GBP6: variants seen among roughly 807,000 people sequenced by gnomAD.
GBP6 encodes the protein guanylate binding protein family member 6, also known as guanylate-binding protein 6.
Under a neutral mutation model 61.5 loss-of-function variants are expected in GBP6, and 54 were observed. That is an observed-to-expected ratio of 0.88 (90% CI 0.71 to 1.10). The LOEUF (loss-of-function observed/expected upper bound fraction) is 1.10, where lower values mean the gene tolerates loss of function less well. GBP6 is among the 50% of genes least tolerant of loss of function. The probability of loss-of-function intolerance (pLI) is 0.00; values close to 1 mark genes in which losing one functional copy is unlikely to be tolerated. For missense variants in GBP6, 748 were observed against 752.8 expected, an observed-to-expected ratio of 0.99 and a Z score of 0.07; for synonymous variants, 255 against 273.7, an observed-to-expected ratio of 0.93 and a Z score of 0.67.
rs377600561 is a variant in GBP6 at position 89,375,178 on chromosome 1, G to A, written c.319-2925G>A. 2.2e-3 allele frequency among the ~76,000 whole-genome samples: 330 copies of A among 152,112 alleles called. 3 individuals are homozygous for A. Among genetic ancestry groups the A allele is most frequent in the African/African-American group, 7.6e-3 (317 of 41,478 alleles). ...TATGTATCCAGTCTATCATTGATGG[G>A]CATTTAGGTTGATTCCATGTCTTTG... On this transcript the variant is annotated intron_variant, in intron 3 of 10. Transcript: ENST00000370456.
chr1:89,369,592 G>T lies in GBP6; in HGVS notation c.237G>T (p.Trp79Cys). 6.2e-7 allele frequency: 1 copy of T among 1,614,106 alleles called. No homozygotes were observed. The highest frequency in any genetic ancestry group is 2.2e-5 in the East Asian group (1 of 44,880). ...STVQSETKGIWMWCVPHPSKP... is the reference protein window; with the variant it reads ...STVQSETKGICMWCVPHPSKP... ...TGCAGTCTGAAACCAAGGGCATCTG[G>T]ATGTGGTGCGTGCCCCACCCATCCA... The change falls in exon 3 of 11, where the codon TGG becomes TGT. Residue 79 changes from tryptophan to cysteine, a missense_variant. Coordinates refer to ENST00000370456, the MANE Select transcript of GBP6 (RefSeq NM_198460.3).
chr1:89,380,571 T>A lies in GBP6; in HGVS notation c.811T>A (p.Tyr271Asn). Residue 271 changes from tyrosine (Y) to asparagine (N), a missense_variant, in exon 6 of 11, where the codon TAC (tyrosine) becomes AAC (asparagine). Physicochemically the swap from Tyr to Asn is moderately radical, Grantham distance 143 (BLOSUM62 -2). Coordinates refer to ENST00000370456, the MANE Select transcript of GBP6 (RefSeq NM_198460.3). ...GGAACAAACAAACATTTTCTGTTCT[T>A]ACATCTTCACTCATGCAAGAACCAA... ...FQEQTNIFCS[Y>N]IFTHARTKTL... 6.2e-7 allele frequency: 1 copy of A among 1,614,104 alleles called. No homozygotes were observed. The highest frequency in any genetic ancestry group is 2.2e-5 in the East Asian group (1 of 44,874).
rs1312229622 is a variant in GBP6, at chr1:89,371,884, G to C, written c.318+2211G>C. Among the ~76,000 whole-genome samples, 3 of 152,196 alleles carry C rather than the reference G, an allele frequency of 2.0e-5. No homozygotes were observed. In the East Asian group the frequency reaches 5.8e-4, roughly 29 times the overall value. On this transcript the variant is annotated intron_variant, in intron 3 of 10. Coordinates refer to ENST00000370456, the MANE Select transcript of GBP6 (RefSeq NM_198460.3). ...AGAGGAAGTCAAATTGTCCCTGTTT[G>C]CAGATGACATGATTGTATATCTAGA...
chr1:89,376,516 C>T (rs75335684), intron 3 of GBP6, among the ~76,000 whole-genome samples: 14,888 of 152,192 alleles, frequency 0.098, 984 homozygotes, highest in Middle Eastern at 0.16. Context: ...AAAATGAGTT[C>T]GCTGTGGATG....
chr1:89,378,380 G>A (rs1417276434), intron 4 of GBP6, 37 bp from the exon 5 acceptor site: 3 of 1,586,294 alleles, frequency 1.9e-6, no homozygotes, highest in Non-Finnish European at 1.7e-6. Flanking sequence ...TGTGTGAATT[G>A]TGGGCAGACA....
At chr1:89,366,008 G>T (rs1234960745) in intron 1 of GBP6, among the ~76,000 whole-genome samples, 2 of 152,154 alleles carry the variant, frequency 1.3e-5, no homozygotes, top group Non-Finnish European at 2.9e-5. Context: ...ATAAAAATGT[G>T]CCAGGAGACC....
intron 3 of GBP6, among the ~76,000 whole-genome samples, chr1:89,375,446 T>C (rs548834704): frequency 8.9e-4 from 136 of 152,330 alleles, no homozygotes; most frequent in African/African-American, 3.2e-3. Flanking sequence ...GAAGACAGTA[T>C]GGCAATTCCT....
At chr1:89,383,545 A>G (rs567864449) in intron 8 of GBP6, 107 bp from the exon 9 acceptor site, 5 of 805,112 alleles carry the variant, frequency 6.2e-6, no homozygotes, top group African/African-American at 3.5e-5. Context: ...CCACTTTAGA[A>G]TTTTAGGCAT....
Position 89,381,934 on chromosome 1 carries a change from C to G in GBP6, c.1112C>G (p.Ser371Cys). ...GCCATTGCAATCTTCATGGAGCACT[C>G]CTTCAAGGATGAAAATCAGGAATTC... ...REAIAIFMEH[S>C]FKDENQEFQK... is the part of the protein sequence containing the mutation. Residue 371 changes from serine (S) to cysteine (C), a missense_variant, in exon 7 of 11, where the codon TCC (serine) becomes TGC (cysteine). Transcript: ENST00000370456. 6.2e-7 allele frequency: 1 copy of G among 1,612,234 alleles called. No homozygotes were observed. Among genetic ancestry groups the G allele is most frequent in the Non-Finnish European group, 8.5e-7 (1 of 1,178,522 alleles).
intron 6 of GBP6, among the ~76,000 whole-genome samples, chr1:89,381,064 C>A (rs1001235112): frequency 4.0e-5 from 6 of 151,890 alleles, no homozygotes; most frequent in African/African-American, 1.5e-4. Context: ...GCACGCAGAT[C>A]GCTTGAGCTC....
intron 8 of GBP6, 140 bp downstream of exon 8, chr1:89,383,016 G>C: frequency 1.7e-6 from 1 of 575,500 alleles, no homozygotes; most frequent in South Asian, 2.6e-5. Context: ...TTATTTCTTA[G>C]AATAAAAATT....
chr1:89,365,084 T>C (rs1557534999), intron 1 of GBP6, among the ~76,000 whole-genome samples: 1 of 151,962 alleles, frequency 6.6e-6, no homozygotes, highest in African/African-American at 2.4e-5. Flanking sequence ...TTTTTGGTTT[T>C]CTGTTCCTGT....
intron 7 of GBP6, 118 bp downstream of exon 7, chr1:89,382,092 C>A: frequency 1.9e-6 from 2 of 1,041,124 alleles, no homozygotes; most frequent in East Asian, 2.4e-5. Flanking sequence ...TGTGGATTCT[C>A]ATGAGGGATA....
chr1:89,383,485 T>C (rs1298435036), intron 8 of GBP6, among the ~76,000 whole-genome samples, 167 bp from the exon 9 acceptor site: 1 of 152,054 alleles, frequency 6.6e-6, no homozygotes, highest in African/African-American at 2.4e-5. Flanking sequence ...GAAGCAGGAA[T>C]TGAGGAGGGG....
chr1:89,374,211 T>C (rs1354173467), intron 3 of GBP6, among the ~76,000 whole-genome samples: 1 of 152,158 alleles, frequency 6.6e-6, no homozygotes, highest in Non-Finnish European at 1.5e-5. Context: ...TATGTCTTTA[T>C]TGGGCAGCAT....
chr1:89,382,037 C>G (rs1652996129), intron 7 of GBP6, 63 bp downstream of exon 7: 2 of 1,461,908 alleles, frequency 1.4e-6, no homozygotes, highest in East Asian at 2.3e-5. Context: ...CCTATAGTTG[C>G]CTTTATTGTC....
At chr1:89,364,598 T>G (rs1050005746) in intron 1 of GBP6, among the ~76,000 whole-genome samples, 2 of 146,112 alleles carry the variant, frequency 1.4e-5, no homozygotes, top group Non-Finnish European at 3.0e-5. Flanking sequence ...TACTTAAAAA[T>G]AATTATATAG....
intron 3 of GBP6, among the ~76,000 whole-genome samples, chr1:89,375,864 T>C (rs1220853433): frequency 1.3e-5 from 2 of 152,148 alleles, no homozygotes; most frequent in African/African-American, 4.8e-5. Flanking sequence ...TGTATATTCT[T>C]CTGGTATTTT....
At chr1:89,371,816 C>T (rs1205172540) in intron 3 of GBP6, among the ~76,000 whole-genome samples, 1 of 152,028 alleles carries the variant, frequency 6.6e-6, no homozygotes, top group East Asian at 1.9e-4. Flanking sequence ...CTGGCCAGGG[C>T]AATAAGGCAG....
Sources: allele counts gnomAD v4.1 joint callset (sites outside exome capture counted in the v4.1 genomes callset), GRCh38; gene constraint gnomAD v4.1.1; transcripts MANE v1.5; gene names NCBI Gene and HGNC (gene_info 2026-07-23, HGNC 2026-07-21).